The following CNTNAP2 variants were observed in gnomAD, a reference collection of about 807,000 sequenced individuals.
CNTNAP2 encodes contactin associated protein 2, also known as contactin-associated protein-like 2.
A neutral mutation model predicts 155.2 loss-of-function variants in CNTNAP2; 98 were observed. The observed-to-expected ratio is 0.63, with a 90% CI of 0.54 to 0.75. CNTNAP2 has a LOEUF of 0.75. Ranked by LOEUF, CNTNAP2 falls within the 30% of genes least tolerant of loss-of-function variation. The pLI, the probability that CNTNAP2 is intolerant of heterozygous loss-of-function variation, is 0.00. For missense variants in CNTNAP2, 1,727 were observed against 1,688.1 expected, an observed-to-expected ratio of 1.02 and a Z score of -0.40; for synonymous variants, 651 against 631.2, an observed-to-expected ratio of 1.03 and a Z score of -0.47.
chr7:148,151,366 C>T (rs924444708), intron 17 of CNTNAP2, among the ~76,000 whole-genome samples: 19 of 152,174 alleles, frequency 1.2e-4, no homozygotes, highest in African/African-American at 4.1e-4. Flanking sequence ...AGTAAAGTGG[C>T]GTGATCTCAG....
At chr7:148,273,451 T>TG (rs1796817920) in intron 21 of CNTNAP2, among the ~76,000 whole-genome samples, 1 of 152,264 alleles carries the variant, frequency 6.6e-6, no homozygotes, top group African/African-American at 2.4e-5. Context: ...ATACACGACC[T>TG]GTTTCCAAGG....
chr7:146,927,521 T>C (rs1307867125), intron 3 of CNTNAP2, among the ~76,000 whole-genome samples: 4 of 152,146 alleles, frequency 2.6e-5, no homozygotes, highest in African/African-American at 9.6e-5. Flanking sequence ...ATGTAAAATC[T>C]TTTTGTGTAA....
intron 11 of CNTNAP2, among the ~76,000 whole-genome samples, chr7:147,521,294 A>G (rs949999395): frequency 2.0e-5 from 3 of 152,106 alleles, no homozygotes; most frequent in Non-Finnish European, 4.4e-5. Flanking sequence ...TTTTGTTGTA[A>G]TTATCGGGAA....
intron 1 of CNTNAP2, among the ~76,000 whole-genome samples, chr7:146,420,167 A>G (rs1218704800): frequency 2.0e-5 from 3 of 152,148 alleles, no homozygotes; most frequent in Non-Finnish European, 4.4e-5. Context: ...AGTTGTCAGT[A>G]CTTTACTCCA....
intron 1 of CNTNAP2, among the ~76,000 whole-genome samples, chr7:146,402,582 AATAATT>A (rs1795729538): frequency 6.6e-6 from 1 of 152,158 alleles, no homozygotes; most frequent in Non-Finnish European, 1.5e-5. Flanking sequence ...GAAGTAAGCA[AATAATT>A]ATAACACAAA....
chr7:147,826,817 C>T (rs117128938), intron 13 of CNTNAP2, among the ~76,000 whole-genome samples: 2,118 of 151,960 alleles, frequency 0.014, 27 homozygotes, highest in Non-Finnish European at 0.021. Flanking sequence ...TTTCCCATTA[C>T]AGTAAAATTT....
chr7:146,881,178 G>T (rs978735695), intron 3 of CNTNAP2, among the ~76,000 whole-genome samples: 2 of 151,926 alleles, frequency 1.3e-5, no homozygotes, highest in Non-Finnish European at 2.9e-5. Context: ...TTCCACACAC[G>T]TTACTCTAGA....
rs569215122 is a variant in CNTNAP2, at chr7:146,771,144, T to C, written c.98-3127T>C. Among the ~76,000 whole-genome samples, 4 of 152,340 alleles carry C rather than the reference T, an allele frequency of 2.6e-5. No homozygotes were observed. The South Asian group carries it at 8.3e-4, about 32-fold the overall frequency. On this transcript the variant is annotated intron_variant, in intron 1 of 23. Transcript: ENST00000361727. ...CCCAAACTCCCTGCCCACTGTTTCA[T>C]ATTTAATGTTCCTTCTTAGTATTAA...
At chr7:148,077,740 CTT>C (rs1314116627) in intron 15 of CNTNAP2, among the ~76,000 whole-genome samples, 1 of 152,124 alleles carries the variant, frequency 6.6e-6, no homozygotes, top group Non-Finnish European at 1.5e-5. Context: ...AATTGTAACT[CTT>C]TAGAATTGGC....
chr7:146,179,749 C>T (rs1170803870), intron 1 of CNTNAP2, among the ~76,000 whole-genome samples: 2 of 152,040 alleles, frequency 1.3e-5, no homozygotes, highest in Admixed American at 1.3e-4. Context: ...ATAAATGCTT[C>T]AGACCTTTCA....
rs953329158 is a variant in CNTNAP2, at chr7:146,466,088, T to G, written c.98-308183T>G. Among the ~76,000 whole-genome samples the G allele has an allele frequency of 2.0e-5, 3 of 152,252 alleles. No individual in the cohort carries two copies. In the South Asian group the frequency reaches 6.2e-4, roughly 32 times the overall value. Reference sequence around the variant, plus strand: ...TAAAAGCTCGTTGGGTTCTAAAGACTGAGGGAAATGATGATGTAAACTAGA... The same window carrying G: ...TAAAAGCTCGTTGGGTTCTAAAGACGGAGGGAAATGATGATGTAAACTAGA... On this transcript the variant is annotated intron_variant, in intron 1 of 23. Coordinates refer to ENST00000361727, the MANE Select transcript of CNTNAP2 (RefSeq NM_014141.6).
chr7:147,637,481 G>T (rs993385655), intron 12 of CNTNAP2, among the ~76,000 whole-genome samples: 1 of 152,146 alleles, frequency 6.6e-6, no homozygotes, highest in Non-Finnish European at 1.5e-5. Context: ...ACCAAATGAG[G>T]AGGAAGTTCA....
At chr7:146,655,368 G>C (rs2129164759) in intron 1 of CNTNAP2, among the ~76,000 whole-genome samples, 1 of 139,616 alleles carries the variant, frequency 7.2e-6, no homozygotes, top group East Asian at 2.0e-4. Context: ...GAGTCGCGAT[G>C]GCACCACTGC....
chr7:146,218,363 G>C (rs1351031680), intron 1 of CNTNAP2, among the ~76,000 whole-genome samples: 1 of 152,070 alleles, frequency 6.6e-6, no homozygotes, highest in Non-Finnish European at 1.5e-5. Flanking sequence ...CAAAAAATTA[G>C]CCGGGCGTGG....
chr7:146,957,639 G>C (rs751660384), intron 3 of CNTNAP2, among the ~76,000 whole-genome samples: 20 of 152,118 alleles, frequency 1.3e-4, no homozygotes, highest in Non-Finnish European at 2.6e-4. Context: ...TGGCAGTCTT[G>C]GGGTAGACAG....
rs77324359 is a variant in CNTNAP2, at chr7:147,473,572, T to G, written c.1671-12363T>G. On this transcript the variant is annotated intron_variant, in intron 10 of 23. Coordinates refer to ENST00000361727, the MANE Select transcript of CNTNAP2 (RefSeq NM_014141.6). Reference sequence around the variant, plus strand: ...TAATGAATACCTTTGGTTTAATTTATTTTTAATAATACGAAAGGGAATATG... The same window carrying G: ...TAATGAATACCTTTGGTTTAATTTAGTTTTAATAATACGAAAGGGAATATG... Among the ~76,000 whole-genome samples the G allele has an allele frequency of 6.9e-3, 1,050 of 152,322 alleles. 42 individuals carry two copies. The East Asian group carries it at 0.087, about 13-fold the overall frequency.
At chr7:148,279,074 C>T (rs1457310924) in intron 21 of CNTNAP2, among the ~76,000 whole-genome samples, 1 of 152,196 alleles carries the variant, frequency 6.6e-6, no homozygotes, top group South Asian at 2.1e-4. Context: ...GCCAATTGCA[C>T]AGATGGAGAC....
chr7:147,679,971 C>CT (rs925590188), intron 13 of CNTNAP2, among the ~76,000 whole-genome samples: 26 of 146,610 alleles, frequency 1.8e-4, no homozygotes, highest in Admixed American at 5.4e-4. Flanking sequence ...ATCTTCGTTT[C>CT]TTTTTTTTTT....
At chr7:147,496,131 T>G (rs1283376717) in intron 11 of CNTNAP2, among the ~76,000 whole-genome samples, 1 of 152,106 alleles carries the variant, frequency 6.6e-6, no homozygotes, top group Non-Finnish European at 1.5e-5. Flanking sequence ...TTATGGTGAG[T>G]TGTATGATTA....
Sources: gnomAD v4.1 joint callset for allele counts (sites outside exome capture counted in the v4.1 genomes callset) on GRCh38, gnomAD v4.1.1 for gene constraint, MANE v1.5 for transcripts, NCBI Gene and HGNC (gene_info 2026-07-23, HGNC 2026-07-21) for gene names.